CCDC171: variants seen among roughly 807,000 people sequenced by gnomAD.
The protein encoded by CCDC171 is coiled-coil domain-containing protein 171.
CCDC171 carries 177 observed loss-of-function variants against 168.2 expected under a neutral mutation model. The observed-to-expected ratio is 1.05, with a 90% CI of 0.93 to 1.19. CCDC171 has a LOEUF of 1.19. Ranked by LOEUF, CCDC171 falls within the 50% of genes most tolerant of loss-of-function variation. CCDC171 has a pLI of 0.00. For missense variants in CCDC171, 1,991 were observed against 1,539.0 expected (o/e 1.29, Z -4.91); for synonymous variants, 687 against 540.8 (o/e 1.27, Z -3.75).
chr9:15,691,970 A>G (rs2050833242), intron 10 of CCDC171, among the ~76,000 whole-genome samples: 1 of 152,128 alleles, frequency 6.6e-6, no homozygotes, highest in Non-Finnish European at 1.5e-5. Context: ...CATTGCACCC[A>G]GCCTTTCACT....
chr9:16,024,908 G>C (rs1833245000), intron 6 of CCDC171, among the ~76,000 whole-genome samples: 1 of 152,208 alleles, frequency 6.6e-6, no homozygotes, highest in Non-Finnish European at 1.5e-5. Context: ...AATCATCTCA[G>C]ATGCCTGGGA....
intron 16 of CCDC171, among the ~76,000 whole-genome samples, chr9:15,736,622 A>G (rs117156716): frequency 0.021 from 3,169 of 151,840 alleles, 48 homozygotes; most frequent in Non-Finnish European, 0.036. Context: ...AAAGTGTTGG[A>G]ATTACAAATG....
chr9:15,803,630 C>A (rs201092153), intron 21 of CCDC171, among the ~76,000 whole-genome samples: 1 of 151,700 alleles, frequency 6.6e-6, no homozygotes, highest in Non-Finnish European at 1.5e-5. Flanking sequence ...TGTGTCTGTT[C>A]TTGTACCAGT....
intron 25 of CCDC171, among the ~76,000 whole-genome samples, chr9:15,920,715 G>A (rs1825203318): frequency 6.6e-6 from 1 of 151,728 alleles, no homozygotes; most frequent in Non-Finnish European, 1.5e-5. Context: ...AGTATGCATA[G>A]TTAAAGCTTG....
chr9:16,039,448 T>G (rs1586852482), upstream of CCDC171, among the ~76,000 whole-genome samples: 1 of 152,290 alleles, frequency 6.6e-6, no homozygotes, highest in East Asian at 1.9e-4. Flanking sequence ...GTCACATGCG[T>G]TAGTTAGAAT....
chr9:15,802,577 G>C (rs938274702), intron 21 of CCDC171, among the ~76,000 whole-genome samples: 1 of 152,112 alleles, frequency 6.6e-6, no homozygotes, highest in African/African-American at 2.4e-5. Context: ...TCCCTGCAAA[G>C]GATATGATCC....
intron 25 of CCDC171, among the ~76,000 whole-genome samples, chr9:15,928,300 T>C (rs1233442600): frequency 1.3e-5 from 2 of 151,656 alleles, no homozygotes; most frequent in African/African-American, 4.8e-5. Flanking sequence ...AAGGCCTGCC[T>C]GGGGAATTGA....
chr9:15,835,535 C>G (rs1162139404), intron 21 of CCDC171, among the ~76,000 whole-genome samples: 1 of 152,104 alleles, frequency 6.6e-6, no homozygotes, highest in Non-Finnish European at 1.5e-5. Flanking sequence ...TTAAGCAATT[C>G]TCCTGCCCCA....
intron 1 of CCDC171, chr9:15,553,720 G>C (rs1246715342): frequency 2.0e-5 from 3 of 152,184 alleles, no homozygotes; most frequent in Non-Finnish European, 4.4e-5. Context: ...AGTTGTGCTA[G>C]ACTGTCACCT....
intron 25 of CCDC171, among the ~76,000 whole-genome samples, chr9:15,955,718 G>A (rs1313165258): frequency 1.3e-5 from 2 of 152,104 alleles, no homozygotes; most frequent in African/African-American, 4.8e-5. Flanking sequence ...GCTGGTTCCT[G>A]GTGCTTACTA....
chr9:15,644,355 G>T (rs755144647), intron 7 of CCDC171, among the ~76,000 whole-genome samples: 1 of 152,168 alleles, frequency 6.6e-6, no homozygotes, highest in African/African-American at 2.4e-5. Context: ...TCCAACTGAG[G>T]TACTGGGTTC....
rs1006865584 is a variant in CCDC171, at chr9:15,646,873, A to G, written c.823-10254A>G. ...AGAAAGTTAACAAGGATATCCAGGA[A>G]TTGAACTCAGCTCTGCACCAAGTGG... On this transcript the variant is annotated intron_variant, in intron 7 of 25. Transcript: ENST00000380701. Among the ~76,000 whole-genome samples, 13 of 152,328 alleles carry G rather than the reference A, an allele frequency of 8.5e-5. No individual in the cohort carries two copies. In the South Asian group the frequency reaches 1.5e-3, roughly 17 times the overall value.
Position 15,832,172 on chromosome 9 carries a change from A to G in CCDC171, c.3268-14530A>G, listed in dbSNP as rs558063470. 5.9e-5 allele frequency among the ~76,000 whole-genome samples: 9 copies of G among 152,300 alleles called. No homozygotes were observed. In the South Asian group the frequency reaches 1.7e-3, roughly 28 times the overall value. On this transcript the variant is annotated intron_variant, in intron 21 of 25. Transcript: ENST00000380701. The stretch of plus-strand genomic sequence containing the variant: ...TTATTTTTTAAACTTTTGGTGTGAA[A>G]TGCCATAGAAATGCCAAATAAATCT...
intron 7 of CCDC171, among the ~76,000 whole-genome samples, chr9:15,650,175 C>T (rs938600903): frequency 1.3e-5 from 2 of 152,182 alleles, no homozygotes; most frequent in Admixed American, 6.5e-5. Context: ...CGCATGTTCT[C>T]ACTCATAGGT....
chr9:15,701,632 C>T (rs7037662), intron 11 of CCDC171, among the ~76,000 whole-genome samples: 67,572 of 145,446 alleles, frequency 0.46, 15,762 homozygotes, highest in Non-Finnish European at 0.51. Context: ...CGGGCTGGAG[C>T]GCAGTGGCAC....
chr9:15,800,002 A>G (rs1278439127), intron 21 of CCDC171, among the ~76,000 whole-genome samples: 1 of 151,978 alleles, frequency 6.6e-6, no homozygotes, highest in Non-Finnish European at 1.5e-5. Flanking sequence ...TAAGTACCAC[A>G]TTTTCTTTAT....
At chr9:15,996,884 T>A (rs1408472161) in intron 3 of CCDC171, among the ~76,000 whole-genome samples, 4 of 152,096 alleles carry the variant, frequency 2.6e-5, no homozygotes, top group Admixed American at 2.6e-4. Context: ...ATATGGCACA[T>A]AAGAACAGAT....
At chr9:15,639,085 C>A (rs2046407364) in intron 7 of CCDC171, among the ~76,000 whole-genome samples, 1 of 151,956 alleles carries the variant, frequency 6.6e-6, no homozygotes, top group African/African-American at 2.4e-5. Flanking sequence ...AAGGTAGCAT[C>A]TTTCTCTAAA....
At chr9:16,086,946 G>T in the CCDC171 span, among the ~76,000 whole-genome samples, 2 of 152,168 alleles carry the variant, frequency 1.3e-5, no homozygotes, top group Non-Finnish European at 1.5e-5. Context: ...GTTCTCATTG[G>T]TTTTAAAAAC....
Sources: gnomAD v4.1 joint callset for allele counts (sites outside exome capture counted in the v4.1 genomes callset) on GRCh38, gnomAD v4.1.1 for gene constraint, MANE v1.5 for transcripts, NCBI Gene and HGNC (gene_info 2026-07-23, HGNC 2026-07-21) for gene names.